The following PRKG1 variants were observed in gnomAD, a reference collection of about 807,000 sequenced individuals.
PRKG1 encodes protein kinase cGMP-dependent 1.
In PRKG1, 35 loss-of-function variants were observed where a neutral mutation model predicts 88.1. The observed-to-expected ratio is 0.40, with a 90% CI of 0.30 to 0.53. The LOEUF is 0.53. Ranked by LOEUF, PRKG1 falls within the 20% of genes least tolerant of loss-of-function variation. The probability of loss-of-function intolerance (pLI) is 0.59; values close to 1 mark genes in which losing one functional copy is unlikely to be tolerated. For missense variants in PRKG1, 540 were observed against 839.8 expected, an observed-to-expected ratio of 0.64 and a Z score of 4.41; for synonymous variants, 303 against 292.5, an observed-to-expected ratio of 1.04 and a Z score of -0.37.
intron 4 of PRKG1, among the ~76,000 whole-genome samples, chr10:51,825,219 G>A (rs1839853429): frequency 6.6e-6 from 1 of 152,058 alleles, no homozygotes; most frequent in Non-Finnish European, 1.5e-5. Flanking sequence ...TTCTGTATGG[G>A]CTAGAAATTA....
chr10:51,492,496 T>A (rs1926210), intron 3 of PRKG1, among the ~76,000 whole-genome samples: 49,218 of 151,976 alleles, frequency 0.32, 8,388 homozygotes, highest in Admixed American at 0.38. Flanking sequence ...GCTGATGTAA[T>A]GTTCTAAGCT....
intron 3 of PRKG1, among the ~76,000 whole-genome samples, chr10:51,703,550 A>G (rs1841527177): frequency 1.3e-5 from 2 of 152,166 alleles, no homozygotes; most frequent in South Asian, 2.1e-4. Flanking sequence ...CTGTAAAATC[A>G]TTATATATCC....
At chr10:51,170,672 T>C (rs1487895960) in intron 2 of PRKG1, among the ~76,000 whole-genome samples, 2 of 149,270 alleles carry the variant, frequency 1.3e-5, no homozygotes, top group African/African-American at 4.9e-5. Flanking sequence ...AGGGAATAAA[T>C]GTGCAAAGCT....
chr10:52,204,575 G>A (rs1049394710), intron 9 of PRKG1, among the ~76,000 whole-genome samples: 7 of 152,194 alleles, frequency 4.6e-5, no homozygotes, highest in South Asian at 2.1e-4. Context: ...TTACTGCAGT[G>A]TCTGAACATA....
In PRKG1 at chr10:51,057,704, C is replaced by A. The variant is rs1843642843; in HGVS notation, c.266+66060C>A. ...TGGTGGTGTTGCTTGTAGCAATGTTCACTTACTTTTACTGTTTTTATATTC... is the reference window on the plus strand; with the variant it reads ...TGGTGGTGTTGCTTGTAGCAATGTTAACTTACTTTTACTGTTTTTATATTC... On this transcript the variant is annotated intron_variant, in intron 1 of 17. Coordinates refer to the PRKG1 transcript ENST00000401604. 2.6e-5 allele frequency among the ~76,000 whole-genome samples: 4 copies of A among 152,180 alleles called. No homozygotes were observed. The South Asian group carries it at 8.3e-4, about 32-fold the overall frequency.
intron 12 of PRKG1, among the ~76,000 whole-genome samples, chr10:52,277,353 C>T (rs1841898653): frequency 6.6e-6 from 1 of 152,124 alleles, no homozygotes; most frequent in Non-Finnish European, 1.5e-5. Flanking sequence ...CCCCAACCTC[C>T]ACCCTGAAAA....
At chr10:51,559,348 A>G (rs185765100) in intron 3 of PRKG1, among the ~76,000 whole-genome samples, 2 of 152,202 alleles carry the variant, frequency 1.3e-5, no homozygotes, top group African/African-American at 2.4e-5. Flanking sequence ...ATTCCTTACT[A>G]ATGCACTTGA....
intron 5 of PRKG1, among the ~76,000 whole-genome samples, chr10:51,970,417 T>C (rs1420129159): frequency 6.6e-6 from 1 of 151,562 alleles, no homozygotes; most frequent in Admixed American, 6.6e-5. Context: ...TATGACATTA[T>C]ATAAAGAATA....
intron 5 of PRKG1, among the ~76,000 whole-genome samples, chr10:52,026,945 C>G (rs1845355341): frequency 6.6e-6 from 1 of 152,112 alleles, no homozygotes; most frequent in Non-Finnish European, 1.5e-5. Flanking sequence ...CCACTGCACT[C>G]CAGCCTGGGC....
chr10:52,018,724 G>A (rs1210640476), intron 5 of PRKG1, among the ~76,000 whole-genome samples: 1 of 152,176 alleles, frequency 6.6e-6, no homozygotes, highest in Non-Finnish European at 1.5e-5. Context: ...AACAGGTCAA[G>A]AGGACTTTAA....
At chr10:51,058,863 T>C (rs1464372279) in intron 1 of PRKG1, among the ~76,000 whole-genome samples, 1 of 152,194 alleles carries the variant, frequency 6.6e-6, no homozygotes, top group Non-Finnish European at 1.5e-5. Flanking sequence ...ACAAGATTCA[T>C]TTACTTGATG....
chr10:52,090,095 G>T (rs187264527), intron 7 of PRKG1, among the ~76,000 whole-genome samples: 3 of 151,996 alleles, frequency 2.0e-5, no homozygotes, highest in Non-Finnish European at 4.4e-5. Context: ...TTACAGGCGT[G>T]AGCCACCACA....
chr10:51,339,571 A>G (rs532437057), intron 2 of PRKG1, among the ~76,000 whole-genome samples: 1 of 152,054 alleles, frequency 6.6e-6, no homozygotes, highest in African/African-American at 2.4e-5. Flanking sequence ...ATTTCATAAG[A>G]TACCGTAACA....
intron 7 of PRKG1, among the ~76,000 whole-genome samples, chr10:52,109,493 G>A (rs765694976): frequency 5.3e-5 from 8 of 152,178 alleles, no homozygotes; most frequent in South Asian, 2.1e-4. Context: ...TTGGCTGGGC[G>A]TGGTGGCTCA....
chr10:51,548,243 C>T (rs1181620255), intron 3 of PRKG1, among the ~76,000 whole-genome samples: 1 of 59,202 alleles, frequency 1.7e-5, no homozygotes, highest in Non-Finnish European at 4.6e-5. Flanking sequence ...CTCAGAGCAG[C>T]ACAAAGGGCT....
chr10:52,141,386 T>C (rs994665470), intron 8 of PRKG1, among the ~76,000 whole-genome samples: 1 of 152,136 alleles, frequency 6.6e-6, no homozygotes, highest in African/African-American at 2.4e-5. Context: ...TTGCCTGGCT[T>C]TGAAATGGTA....
chr10:51,277,578 T>A (rs1840160530), intron 2 of PRKG1, among the ~76,000 whole-genome samples: 2 of 152,368 alleles, frequency 1.3e-5, no homozygotes, highest in South Asian at 4.1e-4. Flanking sequence ...ACAATATTGA[T>A]TCTTCCTATC....
At chr10:51,292,839 C>T (rs917507655) in intron 2 of PRKG1, among the ~76,000 whole-genome samples, 1 of 152,072 alleles carries the variant, frequency 6.6e-6, no homozygotes, top group African/African-American at 2.4e-5. Context: ...TTGTACCAAA[C>T]TCCTCTGAGA....
At chr10:51,579,956 A>G (rs1837988993) in intron 3 of PRKG1, among the ~76,000 whole-genome samples, 1 of 152,104 alleles carries the variant, frequency 6.6e-6, no homozygotes, top group African/African-American at 2.4e-5. Context: ...ATTTTAATAT[A>G]TGTTTTCTTT....
Sources: allele counts gnomAD v4.1 joint callset (sites outside exome capture counted in the v4.1 genomes callset), GRCh38; gene constraint gnomAD v4.1.1; transcripts MANE v1.5; gene names NCBI Gene and HGNC (gene_info 2026-07-23, HGNC 2026-07-21).